The following ZNF423 variants were observed in gnomAD, a reference collection of about 807,000 sequenced individuals.
ZNF423 encodes the protein zinc finger protein 423.
Under a neutral mutation model 95.8 loss-of-function variants are expected in ZNF423, and 12 were observed. The observed-to-expected ratio is 0.13, with a 90% CI of 0.08 to 0.20. The LOEUF (loss-of-function observed/expected upper bound fraction) is 0.20, where lower values mean the gene tolerates loss of function less well. Among genes scored for constraint, ZNF423 ranks in the 10% least tolerant of loss-of-function variants. The pLI, the probability that ZNF423 is intolerant of heterozygous loss-of-function variation, is 1.00. For synonymous variants in ZNF423, 749 were observed against 711.9 expected (o/e 1.05, Z -0.83); for missense variants, 1,316 against 1,737.1 (o/e 0.76, Z 4.31).
chr16:49,687,102 T>C (rs2031593497), intron 3 of ZNF423, among the ~76,000 whole-genome samples: 1 of 151,968 alleles, frequency 6.6e-6, no homozygotes, highest in South Asian at 2.1e-4. Context: ...CTTGGGTACC[T>C]GAGTTACTGT....
chr16:49,742,596 T>C (rs899524125), intron 2 of ZNF423, among the ~76,000 whole-genome samples: 1 of 151,630 alleles, frequency 6.6e-6, no homozygotes, highest in African/African-American at 2.4e-5. Flanking sequence ...CTTGCTGTCA[T>C]GTTTTGTCTC....
intron 1 of ZNF423, among the ~76,000 whole-genome samples, chr16:49,832,582 G>A (rs1325471004): frequency 6.6e-6 from 1 of 152,188 alleles, no homozygotes; most frequent in Non-Finnish European, 1.5e-5. Flanking sequence ...GAGGGGGAAG[G>A]GTACAGCCAA....
intron 2 of ZNF423, among the ~76,000 whole-genome samples, chr16:49,786,870 C>T (rs1480352550): frequency 6.6e-6 from 1 of 152,208 alleles, no homozygotes; most frequent in African/African-American, 2.4e-5. Context: ...GCATCTGCTG[C>T]CATTCTCTGA....
At chr16:49,493,393 C>T (rs1178163959) in intron 7 of ZNF423, among the ~76,000 whole-genome samples, 5 of 152,204 alleles carry the variant, frequency 3.3e-5, no homozygotes, top group Admixed American at 1.3e-4. Context: ...GAGCTGCACA[C>T]AGGGTGGCGG....
intron 3 of ZNF423, among the ~76,000 whole-genome samples, chr16:49,677,300 A>T (rs1253497833): frequency 1.1e-5 from 1 of 94,470 alleles, no homozygotes; most frequent in African/African-American, 4.3e-5. Flanking sequence ...AGAGAAGAGA[A>T]GAGAAGAGAA....
At chr16:49,655,605 G>A (rs1306529606) in intron 3 of ZNF423, among the ~76,000 whole-genome samples, 2 of 152,176 alleles carry the variant, frequency 1.3e-5, no homozygotes, top group African/African-American at 4.8e-5. Flanking sequence ...GATCCCTGCT[G>A]GGGCACTGAG....
chr16:49,640,169 A>G (rs1972921132), intron 3 of ZNF423, among the ~76,000 whole-genome samples: 1 of 152,164 alleles, frequency 6.6e-6, no homozygotes, highest in South Asian at 2.1e-4. Context: ...AGAGCCTCAC[A>G]GACGTAACCC....
At chr16:49,677,241 G>GAGAAGAGAAGAGA (rs1567283810) in intron 3 of ZNF423, among the ~76,000 whole-genome samples, 1 of 15,454 alleles carries the variant, frequency 6.5e-5, no homozygotes, top group East Asian at 2.5e-3. Flanking sequence ...GAGAAGAGAA[G>GAGAAGAGAAGAGA]AGAAGATAAG....
At chr16:49,770,359 G>A (rs895893044) in intron 2 of ZNF423, among the ~76,000 whole-genome samples, 1 of 152,166 alleles carries the variant, frequency 6.6e-6, no homozygotes, top group African/African-American at 2.4e-5. Flanking sequence ...GAACTTCCTG[G>A]TGCTAGAAGT....
At chr16:49,776,663 G>A (rs4785191) in intron 2 of ZNF423, among the ~76,000 whole-genome samples, 3,705 of 152,264 alleles carry the variant, frequency 0.024, 136 homozygotes, top group African/African-American at 0.083. Context: ...GTTGCGGGGC[G>A]GCCCATGCAG....
chr16:49,494,427 C>A (rs1479848574), intron 7 of ZNF423, among the ~76,000 whole-genome samples: 1 of 152,202 alleles, frequency 6.6e-6, no homozygotes, highest in Non-Finnish European at 1.5e-5. Flanking sequence ...TTATTAAGCA[C>A]CTGCTGGATG....
chr16:49,647,391 C>G (rs973931933), intron 3 of ZNF423, among the ~76,000 whole-genome samples: 20 of 152,168 alleles, frequency 1.3e-4, no homozygotes, highest in Admixed American at 6.5e-5. Flanking sequence ...AATAATTACC[C>G]CAAAGATGTC....
chr16:49,552,147 G>C (rs765320371), intron 5 of ZNF423, among the ~76,000 whole-genome samples: 5 of 152,208 alleles, frequency 3.3e-5, no homozygotes, highest in Non-Finnish European at 7.3e-5. Flanking sequence ...AACCCTCACT[G>C]TCCCACGTGC....
In ZNF423 at chr16:49,637,085, C is replaced by T. The variant is rs1405918155; in HGVS notation, c.2091G>A (p.Ser697=). ...CGCAGCTCTCGCACACATAGTGGGT[C>T]GACGTGGTCATGTAATGCACTGTCA... ...QHLTVHYMTT[S]THYVCESCDK... Residue 697 remains serine (S), a synonymous_variant, in exon 4 of 8, where the codon TCG becomes TCA. Coordinates refer to ENST00000563137, the MANE Select transcript of ZNF423 (RefSeq NM_001379286.1). This position sits in a 1 kb window ranked among gnomAD's most constrained non-coding sequence, Gnocchi z 5.6. 22 of 1,613,592 alleles carry T rather than the reference C, an allele frequency of 1.4e-5. No homozygotes were observed. The highest frequency in any genetic ancestry group is 2.2e-5 in the East Asian group (1 of 44,894).
intron 3 of ZNF423, among the ~76,000 whole-genome samples, chr16:49,645,721 T>C (rs534916728): frequency 9.9e-5 from 15 of 152,192 alleles, no homozygotes; most frequent in Admixed American, 3.9e-4. Context: ...GTTCCCATAA[T>C]CCCCACTTGT....
At chr16:49,719,162 C>T (rs942736284) in intron 3 of ZNF423, among the ~76,000 whole-genome samples, 2 of 152,154 alleles carry the variant, frequency 1.3e-5, no homozygotes, top group African/African-American at 4.8e-5. Flanking sequence ...GGCAGCAGGG[C>T]CTCTCTGGGG....
At chr16:49,557,201 G>A (rs960905261) in intron 5 of ZNF423, among the ~76,000 whole-genome samples, 2 of 152,174 alleles carry the variant, frequency 1.3e-5, no homozygotes, top group Non-Finnish European at 2.9e-5. Flanking sequence ...CCAACTGCAC[G>A]CCGCCATCGG....
At chr16:49,793,254 G>A in intron 1 of ZNF423, among the ~76,000 whole-genome samples, 1 of 152,276 alleles carries the variant, frequency 6.6e-6, no homozygotes, top group East Asian at 1.9e-4. Context: ...GGGCCCGTCT[G>A]CAACTGGAGC....
intron 5 of ZNF423, among the ~76,000 whole-genome samples, chr16:49,621,868 T>A (rs947744009): frequency 2.0e-5 from 3 of 152,118 alleles, no homozygotes; most frequent in Non-Finnish European, 4.4e-5. Flanking sequence ...ACATCTAAGT[T>A]CCATCAACTC....
Sources: gnomAD v4.1 joint callset for allele counts (sites outside exome capture counted in the v4.1 genomes callset) on GRCh38, gnomAD v4.1.1 for gene constraint, Gnocchi (gnomAD v3.1) non-coding constraint, MANE v1.5 for transcripts, NCBI Gene and HGNC (gene_info 2026-07-23, HGNC 2026-07-21) for gene names.